ZMYND11: variants seen among roughly 807,000 people sequenced by gnomAD.
ZMYND11 encodes zinc finger MYND domain-containing protein 11.
Under a neutral mutation model 84.9 loss-of-function variants are expected in ZMYND11, and 9 were observed. The observed-to-expected ratio is 0.11, with a 90% CI of 0.06 to 0.18. ZMYND11 has a LOEUF of 0.18. Ranked by LOEUF, ZMYND11 falls within the 10% of genes least tolerant of loss-of-function variation. The pLI, the probability that ZMYND11 is intolerant of heterozygous loss-of-function variation, is 1.00. For missense variants in ZMYND11, 409 were observed against 761.0 expected (o/e 0.54, Z 5.44); for synonymous variants, 250 against 244.1 (o/e 1.02, Z -0.23).
Position 161,929 on chromosome 10 carries a change from A to G in ZMYND11, c.-19-18065A>G, listed in dbSNP as rs1327658077. Among the ~76,000 whole-genome samples, 3 of 152,282 alleles carry G rather than the reference A, an allele frequency of 2.0e-5. No homozygotes were observed. The East Asian group carries it at 5.8e-4, about 29-fold the overall frequency. On this transcript the variant is annotated intron_variant, in intron 1 of 14. Coordinates refer to ENST00000381604, the MANE Select transcript of ZMYND11 (RefSeq NM_001370100.5). The stretch of plus-strand genomic sequence containing the variant: ...TGAAAGAACGCTTTTAATTTCCTTC[A>G]AGAACTTTACCTTTACATTCGCAGC...
At chr10:251,263 GAAGTT>G (rs1417320177) in intron 14 of ZMYND11, among the ~76,000 whole-genome samples, 1 of 152,170 alleles carries the variant, frequency 6.6e-6, no homozygotes, top group African/African-American at 2.4e-5. Flanking sequence ...AGGAAACTAA[GAAGTT>G]AAATAACTTG....
intron 1 of ZMYND11, among the ~76,000 whole-genome samples, chr10:159,262 G>A (rs1366722893): frequency 6.6e-6 from 1 of 151,986 alleles, no homozygotes; most frequent in Non-Finnish European, 1.5e-5. Context: ...TTTTGCCAGT[G>A]AGATTGGTGG....
chr10:170,305 G>T (rs1844990149), intron 1 of ZMYND11, among the ~76,000 whole-genome samples: 1 of 152,054 alleles, frequency 6.6e-6, no homozygotes, highest in African/African-American at 2.4e-5. Context: ...TAGAAACCTG[G>T]ATGTAGATGA....
intron 4 of ZMYND11, among the ~76,000 whole-genome samples, chr10:226,194 A>C (rs1948088508): frequency 6.6e-6 from 1 of 152,178 alleles, no homozygotes; most frequent in South Asian, 2.1e-4. Flanking sequence ...GTTCTTAAAG[A>C]AGCATATAAC....
rs1840870134 is a variant in ZMYND11 at position 153,308 on chromosome 10, A to T, written c.-20+17749A>T. Among the ~76,000 whole-genome samples the T allele has an allele frequency of 2.6e-5, 4 of 152,338 alleles. No homozygotes were observed. In the South Asian group the frequency reaches 8.3e-4, roughly 32 times the overall value. ...TGATTCCTATATAATTGAATAACCA[A>T]TTAAAATGAATATTAATAAAAATGT... On this transcript the variant is annotated intron_variant, in intron 1 of 14. Coordinates refer to ENST00000381604, the MANE Select transcript of ZMYND11 (RefSeq NM_001370100.5).
chr10:216,638 G>C (rs969687928), intron 3 of ZMYND11, among the ~76,000 whole-genome samples: 3 of 152,104 alleles, frequency 2.0e-5, no homozygotes, highest in African/African-American at 7.2e-5. Context: ...AATTATCGGT[G>C]ATTATTAGAA....
At chr10:181,701 C>A (rs1253006153) in intron 2 of ZMYND11, among the ~76,000 whole-genome samples, 1 of 152,054 alleles carries the variant, frequency 6.6e-6, no homozygotes, top group African/African-American at 2.4e-5. Flanking sequence ...ATATGTGGCT[C>A]CAATTCTGTA....
At chr10:186,523 C>T (rs1341753246) in intron 2 of ZMYND11, among the ~76,000 whole-genome samples, 2 of 151,630 alleles carry the variant, frequency 1.3e-5, no homozygotes, top group East Asian at 3.9e-4. Flanking sequence ...CGCCTGTAGT[C>T]CCAGCTACTT....
Position 163,750 on chromosome 10 carries a change from T to C in ZMYND11, c.-19-16244T>C, listed in dbSNP as rs370765207. The stretch of plus-strand genomic sequence containing the variant: ...GAGAAGCTAGTCTCAAATACCTGGT[T>C]ATCTGTGGCTGTCTGTTCACATTTA... On this transcript the variant is annotated intron_variant, in intron 1 of 14. Transcript: ENST00000381604. Among the ~76,000 whole-genome samples, 6 of 152,234 alleles carry C rather than the reference T, an allele frequency of 3.9e-5. No individual in the cohort carries two copies. The East Asian group carries it at 5.8e-4, about 15-fold the overall frequency.
intron 2 of ZMYND11, among the ~76,000 whole-genome samples, chr10:183,918 G>T (rs1355204629): frequency 1.3e-5 from 2 of 152,088 alleles, no homozygotes; most frequent in Non-Finnish European, 1.5e-5. Flanking sequence ...AGGTGCTCTG[G>T]TTTCTTTTAG....
chr10:252,606 T>C lies in ZMYND11; in HGVS notation c.*136T>C. On this transcript the variant is annotated 3_prime_UTR_variant, in exon 15 of 15. Transcript: ENST00000381604. The surrounding 1 kb of genome is among the most constrained non-coding windows in gnomAD (Gnocchi z 4.6). ...TTAAACACTTTTCGTGAAGAAATTT[T>C]GCACAGTAGTTTAAATCTTTTGTTA... 2 of 1,285,298 alleles carry C rather than the reference T, an allele frequency of 1.6e-6. No homozygotes were observed. Among genetic ancestry groups the C allele is most frequent in the Non-Finnish European group, 1.0e-6 (1 of 971,928 alleles). The allele number at this position is 1,285,298 out of a possible 1,614,324, so 79.6% of individuals were successfully genotyped here. A position where few individuals can be genotyped will look rare whatever the true frequency, so the allele number is the denominator to read the frequency against.
intron 7 of ZMYND11, among the ~76,000 whole-genome samples, chr10:239,761 ATT>A (rs1215996168): frequency 1.3e-5 from 2 of 152,186 alleles, no homozygotes; most frequent in Non-Finnish European, 2.9e-5. Flanking sequence ...TTTTATATGT[ATT>A]TGTTTTAGCT....
chr10:146,149 A>G (rs1838774404), intron 1 of ZMYND11, among the ~76,000 whole-genome samples: 1 of 151,954 alleles, frequency 6.6e-6, no homozygotes, highest in African/African-American at 2.4e-5. Context: ...CCTTTCCCCA[A>G]TTTTGTTTCT....
At chr10:222,847 TAAATAACTTAAACGAAA>T (rs1359679753) in intron 4 of ZMYND11, among the ~76,000 whole-genome samples, 1 of 152,194 alleles carries the variant, frequency 6.6e-6, no homozygotes, top group African/African-American at 2.4e-5. Context: ...ATTTTCATAG[TAAATAACTTAAACGAAA>T]ATACTGGGAC....
chr10:235,591 C>A (rs1949812877), intron 4 of ZMYND11, among the ~76,000 whole-genome samples: 2 of 152,178 alleles, frequency 1.3e-5, no homozygotes, highest in African/African-American at 4.8e-5. Flanking sequence ...CCCAGATGCT[C>A]AGCGAGTGAA....
rs1375288028 is a variant in ZMYND11, at chr10:253,630, T to C, written c.*1160T>C. Reference sequence around the variant, plus strand: ...ATTTTTTATACATAGATATATAAAATACAGCCAGGAAAACTTAAATTACTT... The same window carrying C: ...ATTTTTTATACATAGATATATAAAACACAGCCAGGAAAACTTAAATTACTT... On this transcript the variant is annotated 3_prime_UTR_variant, in exon 15 of 15. Coordinates refer to ENST00000381604, the MANE Select transcript of ZMYND11 (RefSeq NM_001370100.5). 1 of 152,652 alleles carries C rather than the reference T, an allele frequency of 6.6e-6. No homozygotes were observed. The highest frequency in any genetic ancestry group is 2.4e-5 in the African/African-American group (1 of 41,474). The allele number at this position is 152,652 out of a possible 1,614,324, so 9.5% of individuals were successfully genotyped here. A position where few individuals can be genotyped will look rare whatever the true frequency, so the allele number is the denominator to read the frequency against.
At chr10:238,922 A>G (rs1950437090) in intron 6 of ZMYND11, among the ~76,000 whole-genome samples, 5 of 152,148 alleles carry the variant, frequency 3.3e-5, no homozygotes. Context: ...TGTCACAGAC[A>G]GGGACACCTG....
At chr10:235,569 C>G (rs1277227044) in intron 4 of ZMYND11, among the ~76,000 whole-genome samples, 1 of 152,182 alleles carries the variant, frequency 6.6e-6, no homozygotes, top group African/African-American at 2.4e-5. Flanking sequence ...GCCCTGCCAC[C>G]AGAAGTCACA....
intron 4 of ZMYND11, among the ~76,000 whole-genome samples, chr10:224,382 T>TA (rs1306675760): frequency 1.3e-5 from 2 of 152,224 alleles, no homozygotes; most frequent in Non-Finnish European, 2.9e-5. Flanking sequence ...TCTGCCTTTC[T>TA]AAAAAATAAA....
Sources: allele counts gnomAD v4.1 joint callset (sites outside exome capture counted in the v4.1 genomes callset), GRCh38; gene constraint gnomAD v4.1.1; non-coding constraint Gnocchi (gnomAD v3.1); transcripts MANE v1.5; gene names NCBI Gene and HGNC (gene_info 2026-07-23, HGNC 2026-07-21).